ZNF385D: variants seen among roughly 807,000 people sequenced by gnomAD.
ZNF385D encodes zinc finger protein 659.
A neutral mutation model predicts 35.8 loss-of-function variants in ZNF385D; 15 were observed. The ratio of observed to expected loss-of-function variants is 0.42; its 90% CI spans 0.28 to 0.64. The LOEUF is 0.64. ZNF385D is among the 30% of genes least tolerant of loss of function. The probability of loss-of-function intolerance (pLI) is 0.23; values close to 1 mark genes in which losing one functional copy is unlikely to be tolerated. For missense variants in ZNF385D, 474 were observed against 494.6 expected (o/e 0.96, Z 0.39); for synonymous variants, 212 against 186.8 (o/e 1.13, Z -1.10).
At chr3:21,801,335 A>T (rs1470603229) in intron 3 of ZNF385D, among the ~76,000 whole-genome samples, 1 of 152,166 alleles carries the variant, frequency 6.6e-6, no homozygotes, top group Non-Finnish European at 1.5e-5. Flanking sequence ...TACTGGACCC[A>T]TAGAATGAGT....
intron 2 of ZNF385D, among the ~76,000 whole-genome samples, chr3:21,645,175 T>C (rs1490827763): frequency 2.0e-5 from 3 of 152,214 alleles, no homozygotes; most frequent in Non-Finnish European, 4.4e-5. Flanking sequence ...TTTTGCCCAC[T>C]GGCAGTACCG....
intron 3 of ZNF385D, among the ~76,000 whole-genome samples, chr3:21,920,864 G>T (rs1039576619): frequency 6.6e-6 from 1 of 151,980 alleles, no homozygotes; most frequent in Non-Finnish European, 1.5e-5. Flanking sequence ...TTCAATACAT[G>T]CAAACTTTAC....
At chr3:21,676,804 T>A (rs1324395960) in intron 1 of ZNF385D, among the ~76,000 whole-genome samples, 3 of 147,340 alleles carry the variant, frequency 2.0e-5, no homozygotes, top group Non-Finnish European at 4.5e-5. Flanking sequence ...TTTTTTTTTT[T>A]ATTGTATTAT....
At chr3:22,093,763 G>T (rs149184049) in intron 3 of ZNF385D, among the ~76,000 whole-genome samples, 1 of 151,878 alleles carries the variant, frequency 6.6e-6, no homozygotes, top group African/African-American at 2.4e-5. Flanking sequence ...AATTATTATG[G>T]TCTATAATTC....
chr3:22,101,331 G>A (rs774914354), intron 3 of ZNF385D, among the ~76,000 whole-genome samples: 2 of 151,970 alleles, frequency 1.3e-5, no homozygotes, highest in Admixed American at 1.3e-4. Flanking sequence ...AGTAGGTATA[G>A]ATACACATAC....
At chr3:21,889,262 C>T (rs1698714812) in intron 3 of ZNF385D, among the ~76,000 whole-genome samples, 1 of 152,144 alleles carries the variant, frequency 6.6e-6, no homozygotes, top group South Asian at 2.1e-4. Flanking sequence ...ATGAGAAACA[C>T]AGCAGGCCTA....
chr3:21,739,065 G>A (rs554334839), intron 1 of ZNF385D, among the ~76,000 whole-genome samples: 6 of 152,286 alleles, frequency 3.9e-5, no homozygotes, highest in East Asian at 1.9e-4. Flanking sequence ...TCTCAGAAGC[G>A]TATGGCATTT....
intron 1 of ZNF385D, among the ~76,000 whole-genome samples, chr3:21,727,113 A>C (rs2068797238): frequency 6.6e-6 from 1 of 152,230 alleles, no homozygotes; most frequent in Non-Finnish European, 1.5e-5. Context: ...AAAACTGGCT[A>C]GCTATATGCA....
intron 1 of ZNF385D, among the ~76,000 whole-genome samples, chr3:21,709,380 C>T (rs2068018408): frequency 6.6e-6 from 1 of 152,068 alleles, no homozygotes; most frequent in African/African-American, 2.4e-5. Flanking sequence ...ATAATTTAGT[C>T]CCCATGAGTT....
chr3:22,280,322 G>T (rs374384710), intron 2 of ZNF385D, among the ~76,000 whole-genome samples: 1 of 149,408 alleles, frequency 6.7e-6, no homozygotes, highest in Admixed American at 6.7e-5. Context: ...TTTGCTTTTG[G>T]GTTCTTGGTC....
At chr3:21,936,537 T>C (rs966632064) in intron 3 of ZNF385D, among the ~76,000 whole-genome samples, 10 of 151,588 alleles carry the variant, frequency 6.6e-5, no homozygotes, top group Non-Finnish European at 1.2e-4. Flanking sequence ...GAACACATAG[T>C]TTTTTTTATA....
intron 1 of ZNF385D, among the ~76,000 whole-genome samples, chr3:21,670,948 G>C (rs536986503): frequency 6.6e-6 from 1 of 152,058 alleles, no homozygotes; most frequent in East Asian, 1.9e-4. Flanking sequence ...GCTCAGTCTA[G>C]GGAGAATACG....
intron 2 of ZNF385D, among the ~76,000 whole-genome samples, chr3:21,624,659 A>G (rs2065088064): frequency 6.6e-6 from 1 of 152,004 alleles, no homozygotes; most frequent in Non-Finnish European, 1.5e-5. Flanking sequence ...GAAGGAAACC[A>G]TTACTCCACC....
intron 4 of ZNF385D, among the ~76,000 whole-genome samples, chr3:21,510,432 T>G (rs1010752310): frequency 5.9e-5 from 9 of 152,232 alleles, no homozygotes; most frequent in Non-Finnish European, 1.3e-4. Context: ...AAAGGCTTTC[T>G]GTAATAATGC....
intron 3 of ZNF385D, among the ~76,000 whole-genome samples, chr3:21,876,807 A>G (rs562925755): frequency 6.6e-6 from 1 of 152,080 alleles, no homozygotes; most frequent in African/African-American, 2.4e-5. Context: ...GTACAGCTTC[A>G]CCCTGCTGCA....
chr3:21,558,346 T>TCTGGG (rs1559403235), intron 3 of ZNF385D, among the ~76,000 whole-genome samples: 5 of 152,046 alleles, frequency 3.3e-5, no homozygotes, highest in Non-Finnish European at 5.9e-5. Context: ...GAGATTCTGG[T>TCTGGG]ACATTGTGTC....
chr3:21,728,937 T>A (rs1401798085), intron 1 of ZNF385D, among the ~76,000 whole-genome samples: 1 of 152,254 alleles, frequency 6.6e-6, no homozygotes. Context: ...TTCTTTGTTT[T>A]GTTCACTGAT....
At chr3:21,666,259 G>A (rs1575424820) in intron 1 of ZNF385D, among the ~76,000 whole-genome samples, 1 of 152,192 alleles carries the variant, frequency 6.6e-6, no homozygotes, top group African/African-American at 2.4e-5. Context: ...CAACCCTATG[G>A]AGCCACGGAG....
intron 2 of ZNF385D, among the ~76,000 whole-genome samples, chr3:22,354,263 T>G (rs1018847520): frequency 2.6e-5 from 4 of 152,244 alleles, no homozygotes; most frequent in Non-Finnish European, 4.4e-5. Context: ...TTCTTCAGTT[T>G]TTTTCATTTA....
Sources: gnomAD v4.1 joint callset for allele counts (sites outside exome capture counted in the v4.1 genomes callset) on GRCh38, gnomAD v4.1.1 for gene constraint, MANE v1.5 for transcripts, NCBI Gene and HGNC (gene_info 2026-07-23, HGNC 2026-07-21) for gene names.